PCDH9: variants seen among roughly 807,000 people sequenced by gnomAD.
PCDH9 encodes the protein protocadherin-9.
In PCDH9, 24 loss-of-function variants were observed where a neutral mutation model predicts 70.6. That is an observed-to-expected ratio of 0.34 (90% CI 0.25 to 0.48). The LOEUF is 0.48. Ranked by LOEUF, PCDH9 falls within the 20% of genes least tolerant of loss-of-function variation. The pLI is 0.99. For missense variants in PCDH9, 1,281 were observed against 1,503.6 expected (o/e 0.85, Z 2.45); for synonymous variants, 562 against 558.5 (o/e 1.01, Z -0.09).
At chr13:66,543,786 C>T (rs375127185) in intron 4 of PCDH9, among the ~76,000 whole-genome samples, 1 of 152,160 alleles carries the variant, frequency 6.6e-6, no homozygotes, top group East Asian at 1.9e-4. Context: ...AGAAATGAAA[C>T]ACAGTACACA....
At chr13:67,001,424 T>C (rs2084242317) in intron 2 of PCDH9, among the ~76,000 whole-genome samples, 1 of 151,642 alleles carries the variant, frequency 6.6e-6, no homozygotes, top group South Asian at 2.1e-4. Flanking sequence ...TCCCAAGTTT[T>C]AGTTTGTTAA....
chr13:66,648,579 C>A (rs939491751), intron 3 of PCDH9, among the ~76,000 whole-genome samples: 1 of 152,176 alleles, frequency 6.6e-6, no homozygotes, highest in Non-Finnish European at 1.5e-5. Flanking sequence ...CCTTGGAATA[C>A]CTGGAAAGCC....
intron 4 of PCDH9, among the ~76,000 whole-genome samples, chr13:66,350,967 T>A (rs1464511956): frequency 6.6e-6 from 1 of 152,192 alleles, no homozygotes. Context: ...TCATTGCTAA[T>A]CTTTTCTCAT....
At chr13:67,042,237 C>T (rs1388421073) in intron 2 of PCDH9, among the ~76,000 whole-genome samples, 1 of 152,018 alleles carries the variant, frequency 6.6e-6, no homozygotes, top group Non-Finnish European at 1.5e-5. Flanking sequence ...TTTCATACTG[C>T]TATAAAGAAC....
intron 4 of PCDH9, among the ~76,000 whole-genome samples, chr13:66,487,507 T>C (rs1958963945): frequency 6.6e-6 from 1 of 152,210 alleles, no homozygotes; most frequent in Non-Finnish European, 1.5e-5. Flanking sequence ...TGCCTATTTA[T>C]AGTATTGATA....
At chr13:66,594,850 C>T (rs1000656404) in intron 4 of PCDH9, among the ~76,000 whole-genome samples, 2 of 151,612 alleles carry the variant, frequency 1.3e-5, no homozygotes, top group African/African-American at 2.4e-5. Flanking sequence ...TTTATGGCTG[C>T]ATAGTATTCC....
chr13:67,019,839 A>C (rs1354684878), intron 2 of PCDH9, among the ~76,000 whole-genome samples: 1 of 152,190 alleles, frequency 6.6e-6, no homozygotes, highest in Admixed American at 6.5e-5. Flanking sequence ...TACCAAGCAC[A>C]CTTCAGGGAC....
At chr13:67,124,338 A>G (rs2086935438) in intron 2 of PCDH9, among the ~76,000 whole-genome samples, 1 of 152,202 alleles carries the variant, frequency 6.6e-6, no homozygotes, top group Non-Finnish European at 1.5e-5. Flanking sequence ...TGTAGTAGGC[A>G]TATATATTTA....
At chr13:67,115,554 C>A (rs1394928315) in intron 2 of PCDH9, among the ~76,000 whole-genome samples, 1 of 152,084 alleles carries the variant, frequency 6.6e-6, no homozygotes, top group Non-Finnish European at 1.5e-5. Flanking sequence ...TCCTTGTAAA[C>A]TTTCCAGTAG....
intron 4 of PCDH9, among the ~76,000 whole-genome samples, chr13:66,318,881 C>G (rs1205443339): frequency 6.6e-6 from 1 of 152,122 alleles, no homozygotes; most frequent in Non-Finnish European, 1.5e-5. Flanking sequence ...GGCATAATAA[C>G]TGGTGGTGAC....
chr13:66,967,209 TGAG>T (rs1324314762), intron 2 of PCDH9, among the ~76,000 whole-genome samples: 1 of 151,930 alleles, frequency 6.6e-6, no homozygotes, highest in Non-Finnish European at 1.5e-5. Context: ...CTCATAATGG[TGAG>T]GAGAAGAAAT....
At position 67,225,816 on chromosome 13, in the gene PCDH9, C is replaced by T. The variant is rs1281515495; in HGVS notation, c.2625G>A (p.Lys875=). The T allele has an allele frequency of 2.5e-6, 4 of 1,613,960 alleles. No individual in the cohort carries two copies. Among genetic ancestry groups the T allele is most frequent in the Non-Finnish European group, 3.4e-6 (4 of 1,179,988 alleles). Residue 875 remains lysine (K), a synonymous_variant, in exon 2 of 5, where the codon AAG becomes AAA. Coordinates refer to ENST00000377865, the MANE Select transcript of PCDH9 (RefSeq NM_203487.3). The part of the protein sequence containing the change: ...QNKKKKRKKR[K]SPKSSLLNFV... ...AGTTCAAAAGAGAGCTTTTGGGAGA[C>T]TTCCTTTTCTTTCTTTTCTTTTTCT...
chr13:66,365,865 T>G (rs1956545926), intron 4 of PCDH9, among the ~76,000 whole-genome samples: 1 of 152,184 alleles, frequency 6.6e-6, no homozygotes, highest in Admixed American at 6.6e-5. Flanking sequence ...TTTTACTTTG[T>G]TTCTCTCTTC....
chr13:67,079,359 T>C (rs2085940314), intron 2 of PCDH9, among the ~76,000 whole-genome samples: 1 of 150,626 alleles, frequency 6.6e-6, no homozygotes, highest in Admixed American at 6.6e-5. Flanking sequence ...CTACATAAAA[T>C]AATAGTTTTT....
In PCDH9 at chr13:67,165,776, T is replaced by C. The variant is rs115711315; in HGVS notation, c.3036+59629A>G. 7.1e-3 allele frequency among the ~76,000 whole-genome samples: 1,078 copies of C among 152,322 alleles called. 15 individuals carry two copies. The highest frequency in any genetic ancestry group is 0.025 in the African/African-American group (1,038 of 41,588). On this transcript the variant is annotated intron_variant, in intron 2 of 4. Transcript: ENST00000377865. The stretch of plus-strand genomic sequence containing the variant: ...GGAGTTAATTATCTTATTTTAAAAA[T>C]ACAAGTTTATTTCCTTGTGAATTTG...
chr13:67,071,283 A>G (rs2085757034), intron 2 of PCDH9, among the ~76,000 whole-genome samples: 1 of 152,196 alleles, frequency 6.6e-6, no homozygotes, highest in Non-Finnish European at 1.5e-5. Context: ...TATTTAAATC[A>G]CAAAAGAAGA....
At chr13:66,697,738 T>C (rs1030842363) in intron 3 of PCDH9, among the ~76,000 whole-genome samples, 14 of 152,068 alleles carry the variant, frequency 9.2e-5, no homozygotes, top group African/African-American at 1.4e-4. Context: ...AGACTAAACA[T>C]GGAATGATCA....
At chr13:66,627,987 T>C (rs1178749336) in intron 4 of PCDH9, among the ~76,000 whole-genome samples, 1 of 152,238 alleles carries the variant, frequency 6.6e-6, no homozygotes, top group East Asian at 1.9e-4. Context: ...TTAAGCATAC[T>C]TTAAAAGCTA....
intron 4 of PCDH9, among the ~76,000 whole-genome samples, chr13:66,513,472 C>A (rs1959587951): frequency 6.6e-6 from 1 of 151,954 alleles, no homozygotes; most frequent in Non-Finnish European, 1.5e-5. Flanking sequence ...TGTTTTTATG[C>A]CCTTGTTCTC....
Sources: gnomAD v4.1 joint callset for allele counts (sites outside exome capture counted in the v4.1 genomes callset) on GRCh38, gnomAD v4.1.1 for gene constraint, MANE v1.5 for transcripts, NCBI Gene and HGNC (gene_info 2026-07-23, HGNC 2026-07-21) for gene names.